The following PDZD2 variants were observed in gnomAD, a reference collection of about 807,000 sequenced individuals.
PDZD2 encodes PDZ domain containing 2, also known as PDZ domain-containing protein 2.
Under a neutral mutation model 220.7 loss-of-function variants are expected in PDZD2, and 90 were observed. The observed-to-expected ratio is 0.41, with a 90% CI of 0.34 to 0.49. PDZD2 has a LOEUF of 0.49. Ranked by LOEUF, PDZD2 falls within the 20% of genes least tolerant of loss-of-function variation. The probability of loss-of-function intolerance (pLI) is 0.28; values close to 1 mark genes in which losing one functional copy is unlikely to be tolerated. For missense variants in PDZD2, 3,174 were observed against 3,608.5 expected, an observed-to-expected ratio of 0.88 and a Z score of 3.08; for synonymous variants, 1,375 against 1,450.5, an observed-to-expected ratio of 0.95 and a Z score of 1.18.
intron 2 of PDZD2, among the ~76,000 whole-genome samples, chr5:31,849,921 T>TATATATATATACATATATATATATAC: frequency 5.9e-5 from 1 of 16,996 alleles, no homozygotes; most frequent in Non-Finnish European, 9.9e-5. Context: ...TATATATACA[T>TATATATATATACATATATATATATAC]ATATATATAT....
rs528748847 is a variant in PDZD2, at chr5:31,993,347, T to TC, written c.979-2227dup. Among the ~76,000 whole-genome samples, 365 of 152,298 alleles carry TC rather than the reference T, an allele frequency of 2.4e-3. 1 individual carries two copies. The highest frequency in any genetic ancestry group is 8.3e-3 in the African/African-American group (345 of 41,570). On this transcript the variant is annotated intron_variant, in intron 3 of 24. Coordinates refer to ENST00000438447, the MANE Select transcript of PDZD2 (RefSeq NM_178140.4). Reference sequence around the variant, plus strand: ...GGAGACAGTTGGCACCAGCGTCTGTTCCTGGGATAGCGGAGCCCCACCGAA... The same window carrying TC: ...GGAGACAGTTGGCACCAGCGTCTGTTCCCTGGGATAGCGGAGCCCCACCGAA...
chr5:31,668,303 A>G (rs1485242918), intron 1 of PDZD2, among the ~76,000 whole-genome samples: 2 of 152,238 alleles, frequency 1.3e-5, no homozygotes, highest in East Asian at 1.9e-4. Context: ...GAGAAAGCCA[A>G]TGGAAGTTGG....
chr5:31,748,416 A>G (rs1191267574), intron 1 of PDZD2, among the ~76,000 whole-genome samples: 1 of 152,174 alleles, frequency 6.6e-6, no homozygotes, highest in Non-Finnish European at 1.5e-5. Context: ...GGGGAACCAA[A>G]TCAGTGGTCA....
intron 1 of PDZD2, among the ~76,000 whole-genome samples, chr5:31,649,809 G>T (rs943421076): frequency 6.6e-6 from 1 of 151,690 alleles, no homozygotes; most frequent in Non-Finnish European, 1.5e-5. Context: ...ATGGTGGCGC[G>T]CGCCTATAGT....
chr5:31,956,189 G>T (rs1344503258), intron 2 of PDZD2, among the ~76,000 whole-genome samples: 2 of 152,056 alleles, frequency 1.3e-5, no homozygotes, highest in Non-Finnish European at 2.9e-5. Context: ...TTGTCAGAAT[G>T]ATCTATCCAT....
At chr5:31,647,089 G>A (rs148063532) in intron 1 of PDZD2, among the ~76,000 whole-genome samples, 3 of 152,180 alleles carry the variant, frequency 2.0e-5, no homozygotes, top group South Asian at 2.1e-4. Flanking sequence ...AGATGCACAC[G>A]GCCCCTGAGC....
chr5:31,707,354 G>A (rs139401220), intron 1 of PDZD2, among the ~76,000 whole-genome samples: 169 of 151,968 alleles, frequency 1.1e-3, no homozygotes, highest in African/African-American at 3.7e-3. Context: ...AAAAAGGACT[G>A]GTGTCCTTAG....
intron 2 of PDZD2, among the ~76,000 whole-genome samples, chr5:31,811,098 C>T (rs1755085399): frequency 1.3e-5 from 2 of 152,210 alleles, no homozygotes; most frequent in South Asian, 4.1e-4. Flanking sequence ...AGCAATTCTT[C>T]TGCCTCCAGC....
intron 2 of PDZD2, among the ~76,000 whole-genome samples, chr5:31,806,901 T>A (rs1454413966): frequency 6.6e-6 from 1 of 152,026 alleles, no homozygotes; most frequent in Non-Finnish European, 1.5e-5. Flanking sequence ...TAAAACGCAT[T>A]TTTGCAGAAT....
At chr5:32,096,293 GAC>G (rs1478501557) in intron 21 of PDZD2, among the ~76,000 whole-genome samples, 1 of 151,982 alleles carries the variant, frequency 6.6e-6, no homozygotes, top group Non-Finnish European at 1.5e-5. Context: ...AGTTCTGCGG[GAC>G]AGTCTAGGTT....
Position 32,000,376 on chromosome 5 carries a change from G to C in PDZD2, c.1254+105G>C, listed in dbSNP as rs1327239253. On this transcript the variant is annotated intron_variant, in intron 5 of 24. Coordinates refer to ENST00000438447, the MANE Select transcript of PDZD2 (RefSeq NM_178140.4). The surrounding 1 kb of genome is among the most constrained non-coding windows in gnomAD (Gnocchi z 4.5). ...CACACACAAAGACATGTGTGCACTTGTACGTTTGCCTTGGGCTATTGAAAC... is the reference window on the plus strand; with the variant it reads ...CACACACAAAGACATGTGTGCACTTCTACGTTTGCCTTGGGCTATTGAAAC... 6 of 1,291,678 alleles carry C rather than the reference G, an allele frequency of 4.6e-6. No individual in the cohort carries two copies. Among genetic ancestry groups the C allele is most frequent in the Middle Eastern group, 1.9e-4 (1 of 5,394 alleles). 80.0% of individuals were successfully genotyped at this position (1,291,678 alleles called of 1,614,324 possible). A position where few individuals can be genotyped will look rare whatever the true frequency, so the allele number is the denominator to read the frequency against.
intron 2 of PDZD2, chr5:31,923,343 TC>T: frequency 1.1e-6 from 1 of 909,320 alleles, no homozygotes; most frequent in Non-Finnish European, 1.8e-6. Context: ...TAAGGGGTCC[TC>T]CCTGTGCCAC....
At chr5:32,079,742 C>A (rs1486457728) in intron 19 of PDZD2, among the ~76,000 whole-genome samples, 2 of 151,820 alleles carry the variant, frequency 1.3e-5, no homozygotes, top group Non-Finnish European at 2.9e-5. Context: ...ACCCAGGAGG[C>A]AGAGGTTGCA....
intron 2 of PDZD2, among the ~76,000 whole-genome samples, chr5:31,847,085 G>A (rs1238476401): frequency 6.6e-6 from 1 of 152,120 alleles, no homozygotes; most frequent in African/African-American, 2.4e-5. Context: ...TAAAAATCTT[G>A]TCTTGATCTA....
rs937248539 is a variant in PDZD2, at chr5:31,735,496, T to A, written c.-360-63393T>A. Among the ~76,000 whole-genome samples, 66 of 152,126 alleles carry A rather than the reference T, an allele frequency of 4.3e-4. 2 individuals are homozygous for A. Among genetic ancestry groups the A allele is most frequent in the Admixed American group, 4.3e-3 (66 of 15,272 alleles). ...GACCTTCCATGACCCATTTGTAAAC[T>A]CTGTATTTTAAAATATTCCAGGCTG... On this transcript the variant is annotated intron_variant, in intron 1 of 24. Transcript: ENST00000438447.
chr5:31,937,687 G>C (rs1745879626), intron 2 of PDZD2, among the ~76,000 whole-genome samples: 1 of 152,164 alleles, frequency 6.6e-6, no homozygotes, highest in African/African-American at 2.4e-5. Flanking sequence ...CACCTCCTGT[G>C]GTCTTTTAGA....
intron 1 of PDZD2, among the ~76,000 whole-genome samples, chr5:31,777,096 TG>T (rs1188725157): frequency 6.6e-6 from 1 of 151,728 alleles, no homozygotes; most frequent in Non-Finnish European, 1.5e-5. Context: ...TGCTGGGAGG[TG>T]TGGAGGGAGA....
chr5:31,912,558 G>A (rs575406582), intron 2 of PDZD2, among the ~76,000 whole-genome samples: 15 of 152,298 alleles, frequency 9.8e-5, no homozygotes, highest in African/African-American at 3.6e-4. Context: ...TGAATTGATT[G>A]ACATTTCTGT....
At chr5:31,667,068 C>G (rs1746019011) in intron 1 of PDZD2, among the ~76,000 whole-genome samples, 2 of 151,866 alleles carry the variant, frequency 1.3e-5, no homozygotes, top group Admixed American at 1.3e-4. Flanking sequence ...AACCCCGTCT[C>G]TACTAAAAAT....
Sources: gnomAD v4.1 joint callset for allele counts (sites outside exome capture counted in the v4.1 genomes callset) on GRCh38, gnomAD v4.1.1 for gene constraint, Gnocchi (gnomAD v3.1) non-coding constraint, MANE v1.5 for transcripts, NCBI Gene and HGNC (gene_info 2026-07-23, HGNC 2026-07-21) for gene names.